RAB7B: variants seen among roughly 807,000 people sequenced by gnomAD.
RAB7B encodes ras-related protein Rab-7b.
intron 1 of RAB7B, among the ~76,000 whole-genome samples, chr1:205,996,169 TG>T (rs1660810444): frequency 6.6e-6 from 1 of 151,458 alleles, no homozygotes; most frequent in African/African-American, 2.4e-5. Context: ...TGTGTGTGTG[TG>T]TGTGTGTGTG....
intron 1 of RAB7B, among the ~76,000 whole-genome samples, chr1:206,000,061 A>C (rs1660868454): frequency 6.6e-6 from 1 of 152,260 alleles, no homozygotes; most frequent in Non-Finnish European, 1.5e-5. Flanking sequence ...GGTGTGAGCC[A>C]CCACGCCTGG....
chr1:205,991,068 G>C (rs1006900198), intron 4 of RAB7B, among the ~76,000 whole-genome samples: 79 of 152,248 alleles, frequency 5.2e-4, no homozygotes, highest in South Asian at 6.2e-4. Flanking sequence ...ACTGTGCCCG[G>C]CCAAGACTGT....
At position 205,978,166 on chromosome 1, in the gene RAB7B, A is replaced by G. The variant is rs927513167; in HGVS notation, c.*685T>C. The stretch of plus-strand genomic sequence containing the variant: ...TGATACAGGGGGCAAGGCACATCTC[A>G]CCCCCACAGGACAGATAAACAAATT... On this transcript the variant is annotated 3_prime_UTR_variant, in exon 6 of 6. Coordinates refer to ENST00000617070, the MANE Select transcript of RAB7B (RefSeq NM_001164522.3). 6.6e-6 allele frequency: 1 copy of G among 152,074 alleles called. No homozygotes were observed. Among genetic ancestry groups the G allele is most frequent in the Admixed American group, 6.6e-5 (1 of 15,262 alleles). 9.4% of individuals were successfully genotyped at this position (152,074 alleles called of 1,614,324 possible). A position where few individuals can be genotyped will look rare whatever the true frequency, so the allele number is the denominator to read the frequency against.
chr1:205,998,263 G>T (rs1660839213), intron 1 of RAB7B, among the ~76,000 whole-genome samples: 1 of 152,196 alleles, frequency 6.6e-6, no homozygotes, highest in Admixed American at 6.5e-5. Flanking sequence ...GGCTGAGGCA[G>T]GAGAATCACT....
At chr1:205,989,809 G>A (rs1660685772) in intron 4 of RAB7B, among the ~76,000 whole-genome samples, 2 of 152,018 alleles carry the variant, frequency 1.3e-5, no homozygotes, top group African/African-American at 2.4e-5. Flanking sequence ...GGTACCCTAC[G>A]GAGACCCCAC....
At chr1:206,001,057 A>G (rs1418846747) in intron 1 of RAB7B, among the ~76,000 whole-genome samples, 1 of 152,088 alleles carries the variant, frequency 6.6e-6, no homozygotes. Flanking sequence ...ACCCTATCCT[A>G]GAAGGGCAGG....
At chr1:206,000,954 C>T (rs1430807003) in intron 1 of RAB7B, among the ~76,000 whole-genome samples, 6 of 152,252 alleles carry the variant, frequency 3.9e-5, no homozygotes, top group South Asian at 2.1e-4. Context: ...TAAGTTACCT[C>T]GGCCTTAACT....
In RAB7B at chr1:205,977,071, C is replaced by T. The variant is rs1660392796; in HGVS notation, c.*1780G>A. 6.6e-6 allele frequency: 1 copy of T among 152,320 alleles called. No homozygotes were observed. Among genetic ancestry groups the T allele is most frequent in the South Asian group, 2.1e-4 (1 of 4,832 alleles). The allele number at this position is 152,320 out of a possible 1,614,324, so 9.4% of individuals were successfully genotyped here. A position where few individuals can be genotyped will look rare whatever the true frequency, so the allele number is the denominator to read the frequency against. On this transcript the variant is annotated 3_prime_UTR_variant, in exon 6 of 6. Coordinates refer to ENST00000617070, the MANE Select transcript of RAB7B (RefSeq NM_001164522.3). The stretch of plus-strand genomic sequence containing the variant: ...CCCAAACTCCCCTGCTGACCTCCCC[C>T]CGGCCCCTAGGTGTACCTTCCAAGT...
At chr1:205,999,521 T>C (rs964879187) in intron 1 of RAB7B, among the ~76,000 whole-genome samples, 28 of 152,232 alleles carry the variant, frequency 1.8e-4, no homozygotes, top group Non-Finnish European at 3.8e-4. Flanking sequence ...ATATTGTTGA[T>C]AGAGTATGAA....
At chr1:205,989,391 T>C (rs1660678207) in intron 4 of RAB7B, among the ~76,000 whole-genome samples, 1 of 152,008 alleles carries the variant, frequency 6.6e-6, no homozygotes, top group East Asian at 1.9e-4. Flanking sequence ...TTGGACCCCC[T>C]CTACTCCCGC....
chr1:205,980,036 T>C (rs1660459847), intron 5 of RAB7B, among the ~76,000 whole-genome samples: 2 of 152,190 alleles, frequency 1.3e-5, no homozygotes, highest in African/African-American at 4.8e-5. Flanking sequence ...TTGATGATGG[T>C]GGTGCCCCCA....
chr1:205,979,951 G>A (rs951930406), intron 5 of RAB7B, among the ~76,000 whole-genome samples: 2 of 152,170 alleles, frequency 1.3e-5, no homozygotes, highest in African/African-American at 2.4e-5. Flanking sequence ...CACCCAGCTG[G>A]TGAATATCCA....
chr1:205,989,263 A>T (rs1660676215), intron 4 of RAB7B, among the ~76,000 whole-genome samples: 1 of 151,890 alleles, frequency 6.6e-6, no homozygotes, highest in South Asian at 2.1e-4. Flanking sequence ...CTATTTGCAG[A>T]CTTTACTCAC....
At chr1:205,988,907 A>G (rs1335222920) in intron 4 of RAB7B, among the ~76,000 whole-genome samples, 2 of 152,136 alleles carry the variant, frequency 1.3e-5, no homozygotes, top group African/African-American at 4.8e-5. Flanking sequence ...GAGTAAGGAC[A>G]TTTGAGGGCC....
At chr1:205,980,846 C>T (rs1660479695) in intron 5 of RAB7B, among the ~76,000 whole-genome samples, 1 of 124,994 alleles carries the variant, frequency 8.0e-6, no homozygotes, top group Non-Finnish European at 1.7e-5. Context: ...CCCCCTTTCC[C>T]TCCCCTTTCC....
intron 5 of RAB7B, among the ~76,000 whole-genome samples, chr1:205,984,555 C>G (rs937778767): frequency 0.01 from 1,553 of 152,298 alleles, 13 homozygotes; most frequent in South Asian, 0.045. Context: ...ACAAGCTGAG[C>G]CCCTCCCCAT....
chr1:205,986,714 T>G (rs1235914725), intron 4 of RAB7B, among the ~76,000 whole-genome samples: 9 of 152,220 alleles, frequency 5.9e-5, no homozygotes, highest in African/African-American at 2.2e-4. Flanking sequence ...GTTTGATGTC[T>G]AATTATTTGG....
At chr1:205,990,941 C>T (rs1660712120) in intron 4 of RAB7B, among the ~76,000 whole-genome samples, 1 of 151,956 alleles carries the variant, frequency 6.6e-6, no homozygotes, top group Admixed American at 6.6e-5. Context: ...ATGCCCACCA[C>T]CACGTATTTT....
intron 1 of RAB7B, among the ~76,000 whole-genome samples, chr1:206,000,548 A>G (rs995274100): frequency 0.069 from 10,533 of 152,290 alleles, 543 homozygotes; most frequent in Non-Finnish European, 0.1. Context: ...CTCATGGGTA[A>G]AATGGACATC....
Sources: allele counts gnomAD v4.1 joint callset (sites outside exome capture counted in the v4.1 genomes callset), GRCh38; gene constraint gnomAD v4.1.1; transcripts MANE v1.5; gene names NCBI Gene and HGNC (gene_info 2026-07-23, HGNC 2026-07-21).